TSHZ2: variants seen among roughly 807,000 people sequenced by gnomAD.
TSHZ2 encodes teashirt homolog 2.
A neutral mutation model predicts 74.4 loss-of-function variants in TSHZ2; 21 were observed. That is an observed-to-expected ratio of 0.28 (90% CI 0.20 to 0.41). The LOEUF (loss-of-function observed/expected upper bound fraction) is 0.41. Ranked by LOEUF, TSHZ2 falls within the 10% of genes least tolerant of loss-of-function variation. TSHZ2 has a pLI of 1.00. For synonymous variants in TSHZ2, 540 were observed against 515.3 expected, an observed-to-expected ratio of 1.05 and a Z score of -0.65; for missense variants, 1,244 against 1,293.5, an observed-to-expected ratio of 0.96 and a Z score of 0.59.
At chr20:53,439,686 A>C (rs1189767511) in intron 2 of TSHZ2, among the ~76,000 whole-genome samples, 2 of 152,186 alleles carry the variant, frequency 1.3e-5, no homozygotes, top group Admixed American at 6.5e-5. Context: ...CTATTCCCAA[A>C]GATATGAGTT....
At chr20:53,001,885 T>C (rs1258844058) in intron 1 of TSHZ2, among the ~76,000 whole-genome samples, 1 of 152,188 alleles carries the variant, frequency 6.6e-6, no homozygotes, top group Non-Finnish European at 1.5e-5. Context: ...CTGAGCTGCT[T>C]GGATGATATT....
chr20:53,418,742 T>G (rs1983362021), intron 2 of TSHZ2, among the ~76,000 whole-genome samples: 1 of 152,070 alleles, frequency 6.6e-6, no homozygotes, highest in South Asian at 2.1e-4. Flanking sequence ...GAAGAGTCCA[T>G]GCCAAAAGTT....
chr20:52,982,616 T>C (rs1354503024), intron 1 of TSHZ2, among the ~76,000 whole-genome samples: 1 of 152,190 alleles, frequency 6.6e-6, no homozygotes, highest in South Asian at 2.1e-4. Context: ...TAGACAAGAA[T>C]AGAGATGCCC....
intron 1 of TSHZ2, among the ~76,000 whole-genome samples, chr20:53,080,755 C>A (rs958939890): frequency 2.0e-5 from 3 of 152,178 alleles, no homozygotes; most frequent in Non-Finnish European, 4.4e-5. Flanking sequence ...TCCTAACAGG[C>A]CACGGACCTG....
At chr20:53,150,881 T>TA (rs372936016) in intron 1 of TSHZ2, among the ~76,000 whole-genome samples, 2 of 152,308 alleles carry the variant, frequency 1.3e-5, no homozygotes, top group Non-Finnish European at 2.9e-5. Context: ...TAGGTATACT[T>TA]ACGTGGGAAG....
At chr20:53,252,470 G>A (rs1278883958) in intron 1 of TSHZ2, among the ~76,000 whole-genome samples, 1 of 152,184 alleles carries the variant, frequency 6.6e-6, no homozygotes, top group Non-Finnish European at 1.5e-5. Context: ...GTTCTGAAAA[G>A]GCCAGGTGAA....
intron 2 of TSHZ2, among the ~76,000 whole-genome samples, chr20:53,457,398 A>T (rs1248858037): frequency 9.1e-6 from 1 of 110,302 alleles, no homozygotes; most frequent in Admixed American, 9.9e-5. Context: ...TGATTTTTGC[A>T]CATTGATTTT....
chr20:53,440,233 G>A (rs1161028300), intron 2 of TSHZ2, among the ~76,000 whole-genome samples: 2 of 152,162 alleles, frequency 1.3e-5, no homozygotes, highest in Non-Finnish European at 2.9e-5. Flanking sequence ...GAGTTTGGTG[G>A]TTGCGGGATC....
intron 1 of TSHZ2, among the ~76,000 whole-genome samples, chr20:53,014,565 C>G (rs897337546): frequency 6.6e-6 from 1 of 152,138 alleles, no homozygotes; most frequent in African/African-American, 2.4e-5. Flanking sequence ...AGGCAGTGCT[C>G]TCTGCCCTGC....
At chr20:53,048,755 C>T (rs1984321734) in intron 1 of TSHZ2, among the ~76,000 whole-genome samples, 1 of 152,136 alleles carries the variant, frequency 6.6e-6, no homozygotes, top group African/African-American at 2.4e-5. Context: ...AAAAGCTTTT[C>T]TTTTTTCCCC....
chr20:53,225,095 G>A (rs1989654676), intron 1 of TSHZ2, among the ~76,000 whole-genome samples: 1 of 152,218 alleles, frequency 6.6e-6, no homozygotes, highest in Non-Finnish European at 1.5e-5. Context: ...GAATCAGTAT[G>A]GCGATGTTCC....
rs376856104 is a variant in TSHZ2, at chr20:53,282,215, A to C, written c.*8+25644A>C. On this transcript the variant is annotated intron_variant, in intron 2 of 2. Coordinates refer to ENST00000371497, the MANE Select transcript of TSHZ2 (RefSeq NM_173485.6). ...TCAGAGCTGATGTTAAAATATATCA[A>C]GTTCTTTTGTCCAAAAAAAGGATCA... is the stretch of plus-strand genomic sequence containing the variant. Among the ~76,000 whole-genome samples, 8 of 152,330 alleles carry C rather than the reference A, an allele frequency of 5.3e-5. No individual in the cohort carries two copies. The East Asian group carries it at 9.7e-4, about 18-fold the overall frequency.
chr20:53,023,657 G>T (rs1267972443), intron 1 of TSHZ2, among the ~76,000 whole-genome samples: 1 of 149,854 alleles, frequency 6.7e-6, no homozygotes, highest in Admixed American at 6.6e-5. Flanking sequence ...GAGTTATCAA[G>T]TTATCATGTT....
chr20:53,279,244 C>T (rs935380121), intron 2 of TSHZ2, among the ~76,000 whole-genome samples: 1 of 152,108 alleles, frequency 6.6e-6, no homozygotes, highest in Non-Finnish European at 1.5e-5. Context: ...AGTTCAAGCT[C>T]ATGTTGTTCA....
chr20:53,163,362 T>C (rs997795433), intron 1 of TSHZ2, among the ~76,000 whole-genome samples: 3 of 32,382 alleles, frequency 9.3e-5, no homozygotes, highest in Non-Finnish European at 2.3e-4. Flanking sequence ...CTCTGTCTCT[T>C]TTTTTTTTTT....
chr20:53,481,521 C>A (rs981001527), intron 2 of TSHZ2, among the ~76,000 whole-genome samples: 1 of 151,142 alleles, frequency 6.6e-6, no homozygotes, highest in Non-Finnish European at 1.5e-5. Flanking sequence ...TTGCAGTGAA[C>A]AAAGATCATG....
chr20:53,178,245 C>T (rs1988391044), intron 1 of TSHZ2: 1 of 152,248 alleles, frequency 6.6e-6, no homozygotes, highest in African/African-American at 2.4e-5. Context: ...CACTCGGCAC[C>T]TCCCGCGAGT....
chr20:53,118,544 G>A (rs1002684545), intron 1 of TSHZ2, among the ~76,000 whole-genome samples: 2 of 152,320 alleles, frequency 1.3e-5, no homozygotes, highest in African/African-American at 4.8e-5. Context: ...AGAGGGCTCT[G>A]GAACATAAAC....
chr20:53,095,409 A>G (rs1986007515), intron 1 of TSHZ2, among the ~76,000 whole-genome samples: 3 of 152,230 alleles, frequency 2.0e-5, no homozygotes, highest in Admixed American at 2.0e-4. Flanking sequence ...GATAAGTCAC[A>G]TTTAGGACAT....
Sources: gnomAD v4.1 joint callset for allele counts (sites outside exome capture counted in the v4.1 genomes callset) on GRCh38, gnomAD v4.1.1 for gene constraint, MANE v1.5 for transcripts, NCBI Gene and HGNC (gene_info 2026-07-23, HGNC 2026-07-21) for gene names.